MINDY2: variants seen among roughly 807,000 people sequenced by gnomAD.
The protein encoded by MINDY2 is ubiquitin carboxyl-terminal hydrolase MINDY-2.
MINDY2 carries 52 observed loss-of-function variants against 68.2 expected under a neutral mutation model. The ratio of observed to expected loss-of-function variants is 0.76; its 90% CI spans 0.61 to 0.96. MINDY2 has a LOEUF of 0.96. MINDY2 is among the 40% of genes least tolerant of loss of function. The pLI, the probability that MINDY2 is intolerant of heterozygous loss-of-function variation, is 0.00. For missense variants in MINDY2, 881 were observed against 773.4 expected (o/e 1.14, Z -1.65); for synonymous variants, 372 against 303.0 (o/e 1.23, Z -2.36).
chr15:58,844,707 A>G (rs1047414590), intron 6 of MINDY2, among the ~76,000 whole-genome samples: 3 of 151,854 alleles, frequency 2.0e-5, no homozygotes, highest in Non-Finnish European at 4.4e-5. Context: ...ATCTGAGGTC[A>G]GGAGTTCGAG....
In MINDY2 at chr15:58,852,945, T is replaced by G. The variant is rs1240310247; in HGVS notation, c.1737+980T>G. On this transcript the variant is annotated intron_variant, in intron 8 of 8. Coordinates refer to ENST00000559228, the MANE Select transcript of MINDY2 (RefSeq NM_001040450.3). ...CTGTTTTTTTTTTTTTTTTTTTTTTTTTTTTTTTTTTTTTTTTTTTTTTTT... is the reference window on the plus strand; with the variant it reads ...CTGTTTTTTTTTTTTTTTTTTTTTTGTTTTTTTTTTTTTTTTTTTTTTTTT... 1.9e-3 allele frequency among the ~76,000 whole-genome samples: 81 copies of G among 42,120 alleles called. 2 individuals are homozygous for G. Among genetic ancestry groups the G allele is most frequent in the East Asian group, 4.9e-3 (8 of 1,638 alleles). 27.6% of individuals were successfully genotyped at this position (42,120 alleles called of 152,430 possible).
intron 6 of MINDY2, among the ~76,000 whole-genome samples, chr15:58,840,706 G>T (rs1211813851): frequency 6.7e-6 from 1 of 148,924 alleles, no homozygotes; most frequent in Non-Finnish European, 1.5e-5. Flanking sequence ...ACCCAGGCTG[G>T]AGTGCAGTGG....
rs371663320 is a variant in MINDY2, at chr15:58,847,440, A to G, written c.1512A>G (p.Val504=). 136 of 1,591,518 alleles carry G rather than the reference A, an allele frequency of 8.5e-5. No individual in the cohort carries two copies. In the African/African-American group the frequency reaches 1.4e-3, roughly 16 times the overall value. ...GACCTCCTTCAGATCCTGAAACTGTATACAAAGGACAACAAGATCAGATAG... is the reference window on the plus strand; with the variant it reads ...GACCTCCTTCAGATCCTGAAACTGTGTACAAAGGACAACAAGATCAGATAG... ...HLRPPSDPET[V]YKGQQDQIDQ... The change falls in exon 7 of 9, where the codon GTA becomes GTG. Residue 504 remains valine, a synonymous_variant. Transcript: ENST00000559228.
chr15:58,777,714 A>C (rs1406185778), intron 1 of MINDY2, among the ~76,000 whole-genome samples: 3 of 152,178 alleles, frequency 2.0e-5, no homozygotes, highest in Non-Finnish European at 4.4e-5. Flanking sequence ...ATTACATTTA[A>C]TTCGAGCTCA....
chr15:58,772,053 G>C lies in MINDY2; in HGVS notation c.658G>C (p.Glu220Gln), dbSNP rs376146570. Residue 220 changes from glutamate (E) to glutamine (Q), a missense_variant, in exon 1 of 9, where the codon GAG (glutamate) becomes CAG (glutamine). By Grantham distance (29) the Glu-to-Gln change is conservative. Coordinates refer to ENST00000559228, the MANE Select transcript of MINDY2 (RefSeq NM_001040450.3). ...GCCCGGGGCTGTTCCTCTGTGCAAG[G>C]AGGAGGAGGGGGAGGAGACCGCTCA... ...VLPGAVPLCK[E>Q]EEGEETAQVL... The C allele has an allele frequency of 2.5e-6, 4 of 1,607,594 alleles. No individual in the cohort carries two copies. The highest frequency in any genetic ancestry group is 1.3e-5 in the African/African-American group (1 of 74,810).
chr15:58,801,094 C>T (rs1324444246), intron 2 of MINDY2, among the ~76,000 whole-genome samples: 1 of 152,020 alleles, frequency 6.6e-6, no homozygotes, highest in African/African-American at 2.4e-5. Flanking sequence ...CTGCCTCAGC[C>T]TCCTGAGTAG....
At chr15:58,779,080 T>A (rs2140898019) in intron 1 of MINDY2, among the ~76,000 whole-genome samples, 1 of 151,788 alleles carries the variant, frequency 6.6e-6, no homozygotes, top group Admixed American at 6.6e-5. Context: ...TTTTTTCTCT[T>A]TAGAGATGTG....
chr15:58,815,820 TA>T (rs1228770900), intron 4 of MINDY2: 1 of 152,114 alleles, frequency 6.6e-6, no homozygotes, highest in Non-Finnish European at 1.5e-5. Flanking sequence ...GCTGGGACTA[TA>T]GGCGCGCACC....
chr15:58,833,474 A>G (rs1240327733), intron 6 of MINDY2, among the ~76,000 whole-genome samples: 3 of 152,214 alleles, frequency 2.0e-5, no homozygotes, highest in Non-Finnish European at 4.4e-5. Context: ...AGCGTTCAGC[A>G]TGCGGAGGAT....
intron 7 of MINDY2, among the ~76,000 whole-genome samples, chr15:58,848,377 G>C (rs1394360254): frequency 2.0e-5 from 3 of 152,142 alleles, no homozygotes; most frequent in Admixed American, 6.5e-5. Flanking sequence ...TAGTAGGGAA[G>C]GCAGATATTT....
chr15:58,824,080 TAA>T (rs1229761726), intron 5 of MINDY2, among the ~76,000 whole-genome samples: 1 of 152,200 alleles, frequency 6.6e-6, no homozygotes, highest in Non-Finnish European at 1.5e-5. Context: ...AATACTTGGA[TAA>T]ACTGACTTAT....
chr15:58,778,774 G>A (rs1202362701), intron 1 of MINDY2, among the ~76,000 whole-genome samples: 9 of 148,766 alleles, frequency 6.0e-5, no homozygotes, highest in African/African-American at 1.7e-4. Context: ...CCACAGGTGT[G>A]TGCTACCATG....
chr15:58,821,866 T>C (rs769667425), intron 5 of MINDY2, 47 bp downstream of exon 5: 3 of 1,261,924 alleles, frequency 2.4e-6, no homozygotes, highest in Non-Finnish European at 3.3e-6. Context: ...CTTGGCAAGA[T>C]AATTTTTCTT....
At position 58,858,682 on chromosome 15, in the gene MINDY2, C is replaced by A. The variant is rs1372785481; in HGVS notation, c.*4072C>A. 6 of 152,146 alleles carry A rather than the reference C, an allele frequency of 3.9e-5. No homozygotes were observed. Among genetic ancestry groups the A allele is most frequent in the African/African-American group, 1.4e-4 (6 of 41,516 alleles). The allele number at this position is 152,146 out of a possible 1,614,324, so 9.4% of individuals were successfully genotyped here. On this transcript the variant is annotated 3_prime_UTR_variant, in exon 9 of 9. Coordinates refer to ENST00000559228, the MANE Select transcript of MINDY2 (RefSeq NM_001040450.3). ...TTACATTTGATTAACTTTTCCTATT[C>A]CATGCACAAGTTACCTTAAAACATG...
In MINDY2 at chr15:58,858,245, G is replaced by A. The variant is rs1227590247; in HGVS notation, c.*3635G>A. 2.6e-5 allele frequency: 4 copies of A among 151,800 alleles called. No individual in the cohort carries two copies. Among genetic ancestry groups the A allele is most frequent in the Non-Finnish European group, 5.9e-5 (4 of 67,884 alleles). 9.4% of individuals were successfully genotyped at this position (151,800 alleles called of 1,614,324 possible). ...GATTTAAATTTAGGATTAGGCTTTG[G>A]AATATATCTTGTTTTTATTGTCTCA... On this transcript the variant is annotated 3_prime_UTR_variant, in exon 9 of 9. Transcript: ENST00000559228.
chr15:58,785,584 C>A (rs529547048), intron 1 of MINDY2, among the ~76,000 whole-genome samples: 1 of 152,154 alleles, frequency 6.6e-6, no homozygotes, highest in Non-Finnish European at 1.5e-5. Flanking sequence ...AGTAATTTGC[C>A]GGAGTTTCAG....
At chr15:58,803,945 GAAAAAAAA>G (rs34082956) in intron 3 of MINDY2, among the ~76,000 whole-genome samples, 13 of 77,228 alleles carry the variant, frequency 1.7e-4, no homozygotes, top group East Asian at 3.8e-4. Context: ...CAGCTCTACT[GAAAAAAAA>G]AAAAAAAAAA....
Position 58,854,741 on chromosome 15 carries a change from C to A in MINDY2, c.*131C>A. 1 of 1,048,370 alleles carries A rather than the reference C, an allele frequency of 9.5e-7. No individual in the cohort carries two copies. The highest frequency in any genetic ancestry group is 1.3e-6 in the Non-Finnish European group (1 of 746,920). The allele number at this position is 1,048,370 out of a possible 1,614,324, so 64.9% of individuals were successfully genotyped here. ...GATTTTGTTCGTTTTTTCAGGGGAA[C>A]GGTTGTTACTTAGTTACAATCAGAC... On this transcript the variant is annotated 3_prime_UTR_variant, in exon 9 of 9. Transcript: ENST00000559228.
At chr15:58,843,082 T>C (rs2032358063) in intron 6 of MINDY2, among the ~76,000 whole-genome samples, 1 of 152,226 alleles carries the variant, frequency 6.6e-6, no homozygotes, top group Admixed American at 6.5e-5. Flanking sequence ...TAAAGTACCT[T>C]AGAAACTTCA....
Sources: allele counts gnomAD v4.1 joint callset (sites outside exome capture counted in the v4.1 genomes callset), GRCh38; gene constraint gnomAD v4.1.1; transcripts MANE v1.5; gene names NCBI Gene and HGNC (gene_info 2026-07-23, HGNC 2026-07-21).